ASAP1: variants seen among roughly 807,000 people sequenced by gnomAD.
ASAP1 encodes arf-GAP with SH3 domain, ANK repeat and PH domain-containing protein 1.
A neutral mutation model predicts 145.2 loss-of-function variants in ASAP1; 43 were observed. The ratio of observed to expected loss-of-function variants is 0.30; its 90% confidence interval spans 0.23 to 0.38. The LOEUF (loss-of-function observed/expected upper bound fraction) is 0.38, where lower values mean the gene tolerates loss of function less well. Ranked by LOEUF, ASAP1 falls within the 10% of genes least tolerant of loss-of-function variation. The pLI, the probability that ASAP1 is intolerant of heterozygous loss-of-function variation, is 1.00. For missense variants in ASAP1, 1,018 were observed against 1,355.3 expected, an observed-to-expected ratio of 0.75 and a Z score of 3.91; for synonymous variants, 546 against 515.5, an observed-to-expected ratio of 1.06 and a Z score of -0.80.
Position 130,153,341 on chromosome 8 carries a change from ATATATATATATATATATG to A in ASAP1, c.1011-554_1011-537del, listed in dbSNP as rs1375163968. 4.0e-3 allele frequency among the ~76,000 whole-genome samples: 193 copies of A among 47,844 alleles called. 1 individual carries two copies. Among genetic ancestry groups the A allele is most frequent in the East Asian group, 0.013 (8 of 640 alleles). 31.4% of individuals were successfully genotyped at this position (47,844 alleles called of 152,430 possible). A position where few individuals can be genotyped will look rare whatever the true frequency, so the allele number is the denominator to read the frequency against. ...CCAGCACTGCTTTTTAAATATATAT[ATATATATATATATATATG>A]TATATATATATATATATATATATAT... On this transcript the variant is annotated intron_variant, in intron 12 of 29. Transcript: ENST00000518721.
At chr8:130,322,828 T>A (rs1478145555) in intron 3 of ASAP1, among the ~76,000 whole-genome samples, 1 of 152,102 alleles carries the variant, frequency 6.6e-6, no homozygotes, top group Non-Finnish European at 1.5e-5. Flanking sequence ...AAGAGAGATA[T>A]ACAAAGACCT....
intron 3 of ASAP1, among the ~76,000 whole-genome samples, chr8:130,252,028 AG>A (rs1371695035): frequency 1.7e-4 from 26 of 152,282 alleles, no homozygotes; most frequent in Non-Finnish European, 1.0e-4. Context: ...TCAATAATAA[AG>A]GATGTGTATT....
chr8:130,216,666 C>T (rs1816947667), intron 4 of ASAP1, among the ~76,000 whole-genome samples: 1 of 152,296 alleles, frequency 6.6e-6, no homozygotes, highest in South Asian at 2.1e-4. Context: ...GGATCTCAGT[C>T]TTACGGCTTT....
intron 3 of ASAP1, among the ~76,000 whole-genome samples, 164 bp downstream of exon 3, chr8:130,357,853 G>C (rs1211340359): frequency 6.6e-6 from 1 of 152,218 alleles, no homozygotes; most frequent in African/African-American, 2.4e-5. Context: ...GAGGAGATGG[G>C]GAAGGCGCCG....
chr8:130,442,963 T>C (rs1830537371), intron 1 of ASAP1, among the ~76,000 whole-genome samples: 1 of 152,106 alleles, frequency 6.6e-6, no homozygotes. Context: ...TCGTTTCTCT[T>C]CTTTTGCTTT....
At chr8:130,424,573 A>G (rs552633907) in intron 1 of ASAP1, among the ~76,000 whole-genome samples, 36 of 152,298 alleles carry the variant, frequency 2.4e-4, no homozygotes, top group African/African-American at 8.4e-4. Context: ...TGGAAGAGAT[A>G]CTGGCTGGAA....
intron 9 of ASAP1, among the ~76,000 whole-genome samples, chr8:130,173,095 A>T (rs981472747): frequency 6.6e-6 from 1 of 152,252 alleles, no homozygotes; most frequent in Non-Finnish European, 1.5e-5. Context: ...CAGTTAAAAC[A>T]AAATTAAAGA....
intron 18 of ASAP1, 125 bp downstream of exon 18, chr8:130,123,887 CA>C: frequency 1.5e-6 from 1 of 650,224 alleles, no homozygotes; most frequent in Admixed American, 3.1e-5. Context: ...CTCAGCCTCC[CA>C]AAGTGCTGGG....
intron 27 of ASAP1, among the ~76,000 whole-genome samples, chr8:130,073,699 ACCG>A (rs1401141186): frequency 3.3e-5 from 5 of 152,182 alleles, no homozygotes; most frequent in African/African-American, 1.2e-4. Flanking sequence ...CTGAAGCTTA[ACCG>A]CTGGCCCATC....
At chr8:130,259,120 T>C (rs186340031) in intron 3 of ASAP1, among the ~76,000 whole-genome samples, 23 of 152,310 alleles carry the variant, frequency 1.5e-4, no homozygotes, top group South Asian at 1.0e-3. Flanking sequence ...CTGAGCTGAT[T>C]TGAGAAATAA....
chr8:130,391,804 T>C (rs1346350574), intron 2 of ASAP1, among the ~76,000 whole-genome samples: 3 of 152,250 alleles, frequency 2.0e-5, no homozygotes, highest in Non-Finnish European at 2.9e-5. Context: ...AGAGAGCTCC[T>C]GTGACAATCC....
intron 3 of ASAP1, among the ~76,000 whole-genome samples, chr8:130,340,603 A>G (rs1041149507): frequency 1.3e-5 from 2 of 152,242 alleles, no homozygotes; most frequent in Non-Finnish European, 2.9e-5. Flanking sequence ...TTCATTCCAC[A>G]TCTCCTTTTT....
At chr8:130,394,834 A>G (rs1473720092) in intron 2 of ASAP1, among the ~76,000 whole-genome samples, 3 of 152,156 alleles carry the variant, frequency 2.0e-5, no homozygotes, top group African/African-American at 4.8e-5. Flanking sequence ...CTCAAAACAA[A>G]CAAACAAACT....
intron 5 of ASAP1, among the ~76,000 whole-genome samples, chr8:130,205,567 C>CAT (rs1234911203): frequency 2.0e-4 from 28 of 139,892 alleles, no homozygotes; most frequent in African/African-American, 2.6e-4. Context: ...AGCAAATTTG[C>CAT]ATATATATAT....
intron 25 of ASAP1, among the ~76,000 whole-genome samples, chr8:130,086,296 C>T (rs1419515766): frequency 1.3e-5 from 2 of 152,194 alleles, no homozygotes; most frequent in Admixed American, 6.5e-5. Context: ...CTTTCTGCGC[C>T]CCGAAGTTGA....
At chr8:130,384,681 CA>C (rs528558311) in intron 2 of ASAP1, among the ~76,000 whole-genome samples, 142 of 152,264 alleles carry the variant, frequency 9.3e-4, no homozygotes, top group African/African-American at 3.2e-3. Flanking sequence ...GGGGTTTCAC[CA>C]TGTTGCCCAG....
intron 3 of ASAP1, among the ~76,000 whole-genome samples, chr8:130,336,090 C>A (rs1208681551): frequency 6.6e-6 from 1 of 152,092 alleles, no homozygotes; most frequent in Non-Finnish European, 1.5e-5. Context: ...GAGATAGACA[C>A]CTGGGATTAA....
chr8:130,360,615 G>A (rs1347936365), intron 2 of ASAP1: 1 of 152,204 alleles, frequency 6.6e-6, no homozygotes, highest in East Asian at 1.9e-4. Context: ...TTCTTCCCTG[G>A]CAAAGGGAAG....
intron 4 of ASAP1, among the ~76,000 whole-genome samples, chr8:130,229,878 CA>C (rs1817806222): frequency 6.6e-6 from 1 of 151,918 alleles, no homozygotes; most frequent in South Asian, 2.1e-4. Context: ...CCATCTCTAC[CA>C]AACACCACCT....
Sources: allele counts gnomAD v4.1 joint callset (sites outside exome capture counted in the v4.1 genomes callset), GRCh38; gene constraint gnomAD v4.1.1; transcripts MANE v1.5; gene names NCBI Gene and HGNC (gene_info 2026-07-23, HGNC 2026-07-21).